The following MAP2 variants were observed in gnomAD, a reference collection of about 807,000 sequenced individuals.
MAP2 encodes microtubule associated protein 2.
MAP2 carries 14 observed loss-of-function variants against 137.6 expected under a neutral mutation model. That is an observed-to-expected ratio of 0.10 (90% CI 0.07 to 0.16). MAP2 has a LOEUF of 0.16. Among genes scored for constraint, MAP2 ranks in the 10% least tolerant of loss-of-function variants. The pLI, the probability that MAP2 is intolerant of heterozygous loss-of-function variation, is 1.00. For missense variants in MAP2, 2,088 were observed against 2,191.5 expected, an observed-to-expected ratio of 0.95 and a Z score of 0.94; for synonymous variants, 786 against 782.3, an observed-to-expected ratio of 1.00 and a Z score of -0.08.
At chr2:209,591,044 TTGTTTG>T (rs1459065401) in intron 3 of MAP2, among the ~76,000 whole-genome samples, 1 of 152,206 alleles carries the variant, frequency 6.6e-6, no homozygotes, top group Non-Finnish European at 1.5e-5. Flanking sequence ...TGTTTTTTGT[TTGTTTG>T]TTTTTGTTTT....
rs770132978 is a variant in MAP2 at position 209,573,298 on chromosome 2, G to GGTTTTTTTTTTTTTTTTTT, written c.-171-6738_-171-6737insGTTTTTTTTTTTTTTTTTT. On this transcript the variant is annotated intron_variant, in intron 2 of 15. Coordinates refer to ENST00000682079, the MANE Select transcript of MAP2 (RefSeq NM_001375505.1). The stretch of plus-strand genomic sequence containing the variant: ...TTCTTTTCTTTATTTTTCTTTTTCT[G>GGTTTTTTTTTTTTTTTTTT]TTTTTTTTTTTTTTTTGAGGAGTCT... 6.3e-4 allele frequency among the ~76,000 whole-genome samples: 76 copies of GGTTTTTTTTTTTTTTTTTT among 120,064 alleles called. 1 individual carries two copies. The highest frequency in any genetic ancestry group is 2.4e-3 in the African/African-American group (73 of 30,192). 78.8% of individuals were successfully genotyped at this position (120,064 alleles called of 152,430 possible). A position where few individuals can be genotyped will look rare whatever the true frequency, so the allele number is the denominator to read the frequency against.
chr2:209,512,109 G>A (rs943587736), intron 2 of MAP2, among the ~76,000 whole-genome samples: 1 of 151,738 alleles, frequency 6.6e-6, no homozygotes, highest in Non-Finnish European at 1.5e-5. Context: ...TCTGTAAAAT[G>A]GAAACAAAAA....
Position 209,702,616 on chromosome 2 carries a change from C to T in MAP2, c.4584+2278C>T, listed in dbSNP as rs558178003. ...GACCCACCCATAATCCTGCATTTCA[C>T]GTGGGTTTTTCTGTTGTTTGTTTGT... On this transcript the variant is annotated intron_variant, in intron 11 of 15. Transcript: ENST00000682079. Among the ~76,000 whole-genome samples, 7 of 152,038 alleles carry T rather than the reference C, an allele frequency of 4.6e-5. No individual in the cohort carries two copies. The South Asian group carries it at 8.3e-4, about 18-fold the overall frequency.
At chr2:209,514,033 T>TTTA (rs2062104413) in intron 2 of MAP2, among the ~76,000 whole-genome samples, 1 of 152,184 alleles carries the variant, frequency 6.6e-6, no homozygotes. Context: ...GATTAAATGG[T>TTTA]CTTTTCAGTT....
intron 13 of MAP2, among the ~76,000 whole-genome samples, chr2:209,725,071 A>G (rs963120478): frequency 2.6e-5 from 4 of 152,220 alleles, no homozygotes; most frequent in Admixed American, 2.6e-4. Context: ...AGTAATTCCC[A>G]AGTACTCTCG....
At chr2:209,480,762 C>T (rs538616208) in intron 1 of MAP2, among the ~76,000 whole-genome samples, 22 of 152,144 alleles carry the variant, frequency 1.4e-4, no homozygotes, top group Admixed American at 8.5e-4. Flanking sequence ...AATGCATATA[C>T]GATATAAAAA....
At chr2:209,481,114 A>G (rs1708651539) in intron 1 of MAP2, among the ~76,000 whole-genome samples, 1 of 152,210 alleles carries the variant, frequency 6.6e-6, no homozygotes, top group African/African-American at 2.4e-5. Flanking sequence ...TACAAACTGA[A>G]TTTCCGTGAG....
rs2059671673 is a variant in MAP2 at position 209,694,380 on chromosome 2, G to A, written c.2210G>A (p.Gly737Glu). 3 of 1,614,080 alleles carry A rather than the reference G, an allele frequency of 1.9e-6. No individual in the cohort carries two copies. Among genetic ancestry groups the A allele is most frequent in the Non-Finnish European group, 2.5e-6 (3 of 1,180,006 alleles). ...TCCGATATTCTAACCAACACTAGTG[G>A]AAGTATGGATGAAGGGGATGATTAC... ...LASDILTNTSGSMDEGDDYLP... is the reference protein window; with the variant it reads ...LASDILTNTSESMDEGDDYLP... Residue 737 changes from glycine to glutamate, a missense_variant, in exon 8 of 16, where the codon GGA becomes GAA. Transcript: ENST00000682079.
intron 2 of MAP2, among the ~76,000 whole-genome samples, chr2:209,524,321 C>CT (rs1013300377): frequency 8.7e-4 from 132 of 151,372 alleles, no homozygotes; most frequent in African/African-American, 3.0e-3. Context: ...TAGTCTTTTT[C>CT]TTTTTTTTCT....
At chr2:209,527,935 TA>T (rs1304657286) in intron 2 of MAP2, among the ~76,000 whole-genome samples, 2 of 152,220 alleles carry the variant, frequency 1.3e-5, no homozygotes, top group Non-Finnish European at 2.9e-5. Flanking sequence ...AAAATCCCTG[TA>T]ATTTCTCTGG....
chr2:209,680,852 G>T, intron 7 of MAP2, 25 bp downstream of exon 7: 2 of 1,598,992 alleles, frequency 1.3e-6, no homozygotes, highest in Non-Finnish European at 1.7e-6. Context: ...ACTTTTCAGG[G>T]TTTGTCTTCT....
At chr2:209,635,451 T>C (rs554875203) in intron 4 of MAP2, among the ~76,000 whole-genome samples, 1 of 152,266 alleles carries the variant, frequency 6.6e-6, no homozygotes, top group Non-Finnish European at 1.5e-5. Flanking sequence ...TTTGCAAAAA[T>C]GTTTAAAAAA....
At chr2:209,640,207 C>T (rs1411808422) in intron 4 of MAP2, among the ~76,000 whole-genome samples, 1 of 152,046 alleles carries the variant, frequency 6.6e-6, no homozygotes, top group African/African-American at 2.4e-5. Context: ...GTCCTTATCA[C>T]CATCACAGCA....
chr2:209,434,265 C>T (rs1304374260), intron 1 of MAP2, among the ~76,000 whole-genome samples: 1 of 151,862 alleles, frequency 6.6e-6, no homozygotes, highest in Non-Finnish European at 1.5e-5. Flanking sequence ...CGGCATGGTT[C>T]AGAGCTGTTT....
chr2:209,584,278 T>A (rs369614509), intron 3 of MAP2, among the ~76,000 whole-genome samples: 97 of 152,114 alleles, frequency 6.4e-4, no homozygotes, highest in African/African-American at 2.3e-3. Flanking sequence ...ATAGAAGTAT[T>A]CAAGGGGGAG....
rs116072655 is a variant in MAP2 at position 209,476,760 on chromosome 2, G to A, written c.-221-30832G>A. 5.6e-3 allele frequency among the ~76,000 whole-genome samples: 855 copies of A among 152,052 alleles called. 5 individuals are homozygous for A. Among genetic ancestry groups the A allele is most frequent in the Non-Finnish European group, 8.6e-3 (587 of 67,998 alleles). On this transcript the variant is annotated intron_variant, in intron 1 of 15. Transcript: ENST00000682079. ...TAAATATTGCTTTTGAATATAATCC[G>A]TCTTGACACAAAGCCTTTTAAGTTT...
At chr2:209,575,413 C>T (rs1415932937) in intron 2 of MAP2, among the ~76,000 whole-genome samples, 2 of 142,890 alleles carry the variant, frequency 1.4e-5, no homozygotes, top group Non-Finnish European at 3.0e-5. Flanking sequence ...CCCAGCTACT[C>T]GGGAGGCTGA....
chr2:209,510,100 T>C (rs568303343), intron 2 of MAP2, among the ~76,000 whole-genome samples: 1 of 151,910 alleles, frequency 6.6e-6, no homozygotes, highest in Non-Finnish European at 1.5e-5. Context: ...CTCAGCAACA[T>C]TTTAGGCCAC....
chr2:209,439,347 A>G (rs34811576), intron 1 of MAP2, among the ~76,000 whole-genome samples: 15,021 of 151,550 alleles, frequency 0.099, 1,617 homozygotes, highest in African/African-American at 0.27. Context: ...AAGATGCCTA[A>G]TATGTATGTG....
Sources: allele counts gnomAD v4.1 joint callset (sites outside exome capture counted in the v4.1 genomes callset), GRCh38; gene constraint gnomAD v4.1.1; transcripts MANE v1.5; gene names NCBI Gene and HGNC (gene_info 2026-07-23, HGNC 2026-07-21).